GUCY1A2: variants seen among roughly 807,000 people sequenced by gnomAD.
GUCY1A2 encodes the protein guanylate cyclase 1 soluble subunit alpha 2, also known as guanylate cyclase soluble subunit alpha-2.
In GUCY1A2, 27 loss-of-function variants were observed where a neutral mutation model predicts 63.5. The observed-to-expected ratio is 0.43, with a 90% CI of 0.31 to 0.59. GUCY1A2 has a LOEUF of 0.59. Among genes scored for constraint, GUCY1A2 ranks in the 20% least tolerant of loss-of-function variants. The pLI is 0.11. For missense variants in GUCY1A2, 768 were observed against 913.3 expected, an observed-to-expected ratio of 0.84 and a Z score of 2.05; for synonymous variants, 364 against 343.5, an observed-to-expected ratio of 1.06 and a Z score of -0.66.
chr11:106,802,237 C>G (rs935027041), intron 5 of GUCY1A2, among the ~76,000 whole-genome samples: 1 of 152,148 alleles, frequency 6.6e-6, no homozygotes, highest in African/African-American at 2.4e-5. Flanking sequence ...TTAGTAAACT[C>G]ACCCTATGTA....
intron 4 of GUCY1A2, among the ~76,000 whole-genome samples, chr11:106,831,139 T>C (rs1859044694): frequency 6.6e-6 from 1 of 152,224 alleles, no homozygotes; most frequent in Non-Finnish European, 1.5e-5. Context: ...CAACTGTCTA[T>C]AAATACATTT....
chr11:106,981,606 C>T (rs2513137), intron 2 of GUCY1A2, among the ~76,000 whole-genome samples: 40,544 of 151,754 alleles, frequency 0.27, 5,777 homozygotes, highest in East Asian at 0.5. Flanking sequence ...CATAGTAGTT[C>T]ACTGAAGAAA....
Position 106,725,152 on chromosome 11 carries a change from C to CTTTTT in GUCY1A2, c.1837-16491_1837-16487dup, listed in dbSNP as rs773251118. On this transcript the variant is annotated intron_variant, in intron 6 of 7. Transcript: ENST00000526355. ...ATGTATCTTCTTATTGACATAAATT[C>CTTTTT]TTTTTTTTTTTTTTTTTTTTTTTTT... Among the ~76,000 whole-genome samples, 16 of 22,988 alleles carry CTTTTT rather than the reference C, an allele frequency of 7.0e-4. 8 individuals are homozygous for CTTTTT. The East Asian group carries it at 8.7e-3, about 13-fold the overall frequency. 15.1% of individuals were successfully genotyped at this position (22,988 alleles called of 152,430 possible).
At chr11:106,711,818 T>C (rs965545132) in intron 6 of GUCY1A2, among the ~76,000 whole-genome samples, 1 of 152,192 alleles carries the variant, frequency 6.6e-6, no homozygotes, top group African/African-American at 2.4e-5. Flanking sequence ...TATTGAATTC[T>C]AGGTTTAAAG....
At position 106,922,336 on chromosome 11, in the gene GUCY1A2, T is replaced by C. The variant is rs188882114; in HGVS notation, c.1206+17124A>G. Among the ~76,000 whole-genome samples, 6 of 152,150 alleles carry C rather than the reference T, an allele frequency of 3.9e-5. No individual in the cohort carries two copies. In the East Asian group the frequency reaches 5.8e-4, roughly 15 times the overall value. On this transcript the variant is annotated intron_variant, in intron 4 of 7. Transcript: ENST00000526355. Reference sequence around the variant, plus strand: ...AAGTCTTTGTTTCTTAATTCAACAATTGAATGTCTACCTTATGCCAGGCAC... The same window carrying C: ...AAGTCTTTGTTTCTTAATTCAACAACTGAATGTCTACCTTATGCCAGGCAC...
chr11:106,799,731 G>A (rs1011644160), intron 5 of GUCY1A2, among the ~76,000 whole-genome samples: 8 of 152,000 alleles, frequency 5.3e-5, no homozygotes, highest in African/African-American at 1.7e-4. Context: ...ACCTTATACA[G>A]AAATTAATTC....
At chr11:106,981,919 A>T (rs1219726567) in intron 2 of GUCY1A2, among the ~76,000 whole-genome samples, 2 of 152,218 alleles carry the variant, frequency 1.3e-5, no homozygotes. Context: ...ACAAAAGTTG[A>T]ATTGCAAAAG....
chr11:107,011,105 T>C (rs1861737543), intron 1 of GUCY1A2, among the ~76,000 whole-genome samples: 1 of 152,188 alleles, frequency 6.6e-6, no homozygotes, highest in Non-Finnish European at 1.5e-5. Context: ...ACAGAGGCTT[T>C]AAATGTTAAA....
At chr11:106,747,355 T>C (rs567242703) in intron 6 of GUCY1A2, among the ~76,000 whole-genome samples, 218 of 152,344 alleles carry the variant, frequency 1.4e-3, no homozygotes, top group South Asian at 3.9e-3. Context: ...CTTGATACTT[T>C]TCAGAATCTG....
intron 4 of GUCY1A2, among the ~76,000 whole-genome samples, chr11:106,839,327 C>G (rs1431869841): frequency 6.6e-6 from 1 of 151,838 alleles, no homozygotes; most frequent in Non-Finnish European, 1.5e-5. Flanking sequence ...TCACACCAGT[C>G]AGAATGGCGA....
intron 4 of GUCY1A2, among the ~76,000 whole-genome samples, chr11:106,850,573 G>A (rs10749880): frequency 0.91 from 138,010 of 151,776 alleles, 62,833 homozygotes; most frequent in East Asian, 1. Flanking sequence ...ATGTTTTTTT[G>A]GCACCCACAT....
chr11:106,956,336 T>C (rs993547421), intron 3 of GUCY1A2, among the ~76,000 whole-genome samples: 42 of 152,060 alleles, frequency 2.8e-4, no homozygotes, highest in African/African-American at 9.4e-4. Flanking sequence ...ATTGTAATCA[T>C]TTGGAGATGA....
chr11:107,012,556 G>C (rs1443590886), intron 1 of GUCY1A2, among the ~76,000 whole-genome samples: 1 of 152,082 alleles, frequency 6.6e-6, no homozygotes, highest in African/African-American at 2.4e-5. Context: ...AGCTTTCCCA[G>C]GGACTCATAC....
chr11:106,735,715 C>A lies in GUCY1A2; in HGVS notation c.1837-27049G>T, dbSNP rs116051794. Among the ~76,000 whole-genome samples, 1,016 of 152,210 alleles carry A rather than the reference C, an allele frequency of 6.7e-3. 12 individuals carry two copies. Among genetic ancestry groups the A allele is most frequent in the African/African-American group, 0.022 (921 of 41,550 alleles). On this transcript the variant is annotated intron_variant, in intron 6 of 7. Transcript: ENST00000526355. ...ATTTTTGGGGAACCTCCATACTCTT[C>A]TCCAACAGAACTGTACTAATTTATT...
intron 4 of GUCY1A2, among the ~76,000 whole-genome samples, chr11:106,853,784 C>A (rs921148653): frequency 6.6e-6 from 1 of 152,156 alleles, no homozygotes; most frequent in Non-Finnish European, 1.5e-5. Context: ...ATTTTATGGA[C>A]TGGCTTTAGT....
At chr11:106,889,851 G>A (rs533184544) in intron 4 of GUCY1A2, among the ~76,000 whole-genome samples, 37 of 152,184 alleles carry the variant, frequency 2.4e-4, no homozygotes, top group South Asian at 2.3e-3. Context: ...TTGGCATTAC[G>A]CAACTTAATG....
intron 4 of GUCY1A2, chr11:106,826,722 A>T (rs963551868): frequency 2.8e-5 from 45 of 1,610,700 alleles, no homozygotes; most frequent in Non-Finnish European, 3.7e-5. Context: ...AACTCGCTGC[A>T]GCCATGCACT....
chr11:106,939,590 T>G lies in GUCY1A2; in HGVS notation c.1076A>C (p.Lys359Thr), dbSNP rs201939551. ...TACAATCTCGAAGCAGTCCTCAAAC[T>G]TGAGCACTTTGTGAGTGTCACATCG... ...QLRCDTHKVLKFEDCFEIVSP... is the reference protein window; with the variant it reads ...QLRCDTHKVLTFEDCFEIVSP... Residue 359 changes from lysine (K) to threonine (T), a missense_variant, in exon 4 of 8, where the codon AAG (lysine) becomes ACG (threonine). This residue lies in a region of GUCY1A2 where 496 missense variants were observed against 486.9 expected (regional missense o/e 1.02). Transcript: ENST00000526355. 2 of 1,613,882 alleles carry G rather than the reference T, an allele frequency of 1.2e-6. No homozygotes were observed. The highest frequency in any genetic ancestry group is 1.7e-5 in the Admixed American group (1 of 60,004).
intron 6 of GUCY1A2, among the ~76,000 whole-genome samples, chr11:106,770,615 T>G (rs1003098613): frequency 1.1e-4 from 17 of 151,816 alleles, no homozygotes; most frequent in South Asian, 2.1e-4. Context: ...GAATAATTAT[T>G]GCATAATCTC....
Sources: gnomAD v4.1 joint callset for allele counts (sites outside exome capture counted in the v4.1 genomes callset) on GRCh38, gnomAD v4.1.1 for gene constraint, gnomAD v4.1.1 regional missense constraint, MANE v1.5 for transcripts, NCBI Gene and HGNC (gene_info 2026-07-23, HGNC 2026-07-21) for gene names.